The following TTLL6 variants were observed in gnomAD, a reference collection of about 807,000 sequenced individuals.
TTLL6 encodes the protein tubulin polyglutamylase TTLL6.
In TTLL6, 75 loss-of-function variants were observed where a neutral mutation model predicts 96.4. That is an observed-to-expected ratio of 0.78 (90% CI 0.65 to 0.94). The LOEUF (loss-of-function observed/expected upper bound fraction) is 0.94. Among genes scored for constraint, TTLL6 ranks in the 40% least tolerant of loss-of-function variants. TTLL6 has a pLI of 0.00. For missense variants in TTLL6, 1,030 were observed against 1,093.0 expected, an observed-to-expected ratio of 0.94 and a Z score of 0.81; for synonymous variants, 411 against 419.4, an observed-to-expected ratio of 0.98 and a Z score of 0.24.
chr17:48,802,314 G>A (rs1400494622), intron 3 of TTLL6, among the ~76,000 whole-genome samples: 1 of 152,110 alleles, frequency 6.6e-6, no homozygotes, highest in East Asian at 1.9e-4. Flanking sequence ...TGAATGTTCA[G>A]GGAATATAAA....
At chr17:48,807,510 T>C (rs1289277101) in intron 1 of TTLL6, among the ~76,000 whole-genome samples, 1 of 152,208 alleles carries the variant, frequency 6.6e-6, no homozygotes, top group Non-Finnish European at 1.5e-5. Context: ...TACATGTTTC[T>C]GGGTTTTTTG....
intron 10 of TTLL6, among the ~76,000 whole-genome samples, chr17:48,788,699 C>A (rs1044745326): frequency 1.3e-5 from 2 of 152,178 alleles, no homozygotes; most frequent in African/African-American, 4.8e-5. Context: ...CATTTACCAG[C>A]AGGGTGACCT....
At chr17:48,804,294 A>G (rs1407132474) in intron 2 of TTLL6, 3 of 496,784 alleles carry the variant, frequency 6.0e-6, no homozygotes, top group South Asian at 3.1e-5. Context: ...TCTTCCCCCC[A>G]TTAAGGGAAG....
chr17:48,769,021 T>A lies in TTLL6; in HGVS notation c.2644A>T (p.Ile882Phe). The change falls in exon 15 of 16, where the codon ATC becomes TTC. Residue 882 changes from isoleucine to phenylalanine, a missense_variant. Transcript: ENST00000393382. ...QDQEAYSHCL[I>F]SGQKGCERS ...CTCTCACATCCTTTTTGGCCAGAGA[T>A]CAGGCAATGGCTGTATGCTTCTTGA... is the stretch of plus-strand genomic sequence containing the variant. 1 of 1,614,144 alleles carries A rather than the reference T, an allele frequency of 6.2e-7. No individual in the cohort carries two copies.
intron 1 of TTLL6, among the ~76,000 whole-genome samples, chr17:48,808,801 C>T (rs2039541528): frequency 6.6e-6 from 1 of 152,208 alleles, no homozygotes; most frequent in South Asian, 2.1e-4. Context: ...AAACTCCTGA[C>T]CTCAAACGAT....
chr17:48,796,957 CA>C, intron 7 of TTLL6, 103 bp downstream of exon 7: 1 of 1,326,654 alleles, frequency 7.5e-7, no homozygotes. Flanking sequence ...AAGTGCTCAA[CA>C]AATGACACTC....
chr17:48,773,043 G>A (rs72831861), intron 13 of TTLL6, among the ~76,000 whole-genome samples: 176 of 79,348 alleles, frequency 2.2e-3, no homozygotes, highest in Admixed American at 5.6e-3. Flanking sequence ...ATTTCTATAG[G>A]GCTTAAAGGT....
At chr17:48,791,283 G>T in intron 9 of TTLL6, 95 bp downstream of exon 9, 1 of 1,150,350 alleles carries the variant, frequency 8.7e-7, no homozygotes, top group Non-Finnish European at 1.3e-6. Flanking sequence ...CTGGGAAGTT[G>T]AAACAATTTA....
chr17:48,782,736 C>T (rs2039013320), intron 13 of TTLL6, among the ~76,000 whole-genome samples: 1 of 150,944 alleles, frequency 6.6e-6, no homozygotes, highest in Non-Finnish European at 1.5e-5. Flanking sequence ...TTTTTTGAGA[C>T]AGAGTCTCGC....
At chr17:48,813,989 GGACA>G (rs1286160644) in intron 1 of TTLL6, among the ~76,000 whole-genome samples, 1 of 152,126 alleles carries the variant, frequency 6.6e-6, no homozygotes. Context: ...CTGGGTTAGT[GGACA>G]GACAAAGTGG....
chr17:48,794,197 A>G (rs772659201), intron 8 of TTLL6: 22 of 1,613,764 alleles, frequency 1.4e-5, no homozygotes, highest in Non-Finnish European at 1.9e-5. Context: ...AAGCCTTGCA[A>G]CCTCACCTTA....
rs1356302104 is a variant in TTLL6, at chr17:48,810,792, TAGTAC to T, written c.104-5806_104-5802del. On this transcript the variant is annotated intron_variant, in intron 1 of 15. Coordinates refer to ENST00000393382, the MANE Select transcript of TTLL6 (RefSeq NM_001130918.3). Reference sequence around the variant, plus strand: ...TATATAGTATGTGTGTATATATATATAGTACATATATACACATATATAGTATGTGT... The same window carrying T: ...TATATAGTATGTGTGTATATATATATATATATACACATATATAGTATGTGT... Among the ~76,000 whole-genome samples the T allele has an allele frequency of 8.4e-3, 626 of 74,568 alleles. 31 individuals carry two copies. Among genetic ancestry groups the T allele is most frequent in the African/African-American group, 0.019 (365 of 19,170 alleles). 48.9% of individuals were successfully genotyped at this position (74,568 alleles called of 152,430 possible).
In TTLL6 at chr17:48,788,004, T is replaced by C. The variant is rs369795065; in HGVS notation, c.1401-5A>G. ...AAACCCTTGGCTTCCTCAATCCTGT[T>C]GGGAAGCAGAACATGGGGCTGCTGT... On this transcript the variant is annotated splice_region_variant and splice_polypyrimidine_tract_variant and intron_variant, in intron 10 of 15. Transcript: ENST00000393382. The C allele has an allele frequency of 1.5e-5, 24 of 1,612,624 alleles. 1 individual carries two copies. The highest frequency in any genetic ancestry group is 1.1e-4 in the East Asian group (5 of 44,856).
intron 9 of TTLL6, among the ~76,000 whole-genome samples, chr17:48,791,173 CA>C (rs1159119313): frequency 6.6e-6 from 1 of 152,162 alleles, no homozygotes; most frequent in Non-Finnish European, 1.5e-5. Flanking sequence ...CTCAAGAAGG[CA>C]AAGGAATTCT....
intron 1 of TTLL6, among the ~76,000 whole-genome samples, chr17:48,814,916 C>T (rs756317317): frequency 2.6e-5 from 4 of 152,092 alleles, no homozygotes; most frequent in Non-Finnish European, 5.9e-5. Context: ...GGAGCTGGGA[C>T]TACAGGCATG....
chr17:48,785,078 C>G lies in TTLL6; in HGVS notation c.1885G>C (p.Val629Leu). The change falls in exon 13 of 16, where the codon GTT (valine) becomes CTT (leucine). Residue 629 changes from valine to leucine, a missense_variant. Transcript: ENST00000393382. The part of the protein sequence containing the change: ...QEAPTEEASS[V>L]FPKLTSAKPF... ...TTCGCAGACGTCAGCTTGGGGAAAA[C>G]AGAGCTGGCCTCCTCCGTGGGAGCC... 1 of 1,614,136 alleles carries G rather than the reference C, an allele frequency of 6.2e-7. No homozygotes were observed. Among genetic ancestry groups the G allele is most frequent in the Non-Finnish European group, 8.5e-7 (1 of 1,180,004 alleles).
At chr17:48,805,059 A>T (rs2039486624) in intron 1 of TTLL6, 68 bp from the exon 2 acceptor site, 13 of 1,258,084 alleles carry the variant, frequency 1.0e-5, no homozygotes, top group Non-Finnish European at 1.5e-5. Context: ...TCCCTCGCTC[A>T]TGTGGGTAGA....
chr17:48,784,895 C>G (rs115869046), intron 13 of TTLL6, 28 bp downstream of exon 13: 3 of 1,594,816 alleles, frequency 1.9e-6, no homozygotes, highest in Non-Finnish European at 2.6e-6. Context: ...TCCCACCACT[C>G]CCTCCCAGAG....
chr17:48,777,724 C>T (rs529377404), intron 13 of TTLL6, among the ~76,000 whole-genome samples: 2 of 142,018 alleles, frequency 1.4e-5, no homozygotes, highest in Non-Finnish European at 3.2e-5. Flanking sequence ...GAGTGAGACT[C>T]CGTCTCAAAA....
Sources: allele counts gnomAD v4.1 joint callset (sites outside exome capture counted in the v4.1 genomes callset), GRCh38; gene constraint gnomAD v4.1.1; transcripts MANE v1.5; gene names NCBI Gene and HGNC (gene_info 2026-07-23, HGNC 2026-07-21).